The following NELL1 variants were observed in gnomAD, a reference collection of about 807,000 sequenced individuals.
NELL1 encodes the protein protein kinase C-binding protein NELL1.
NELL1 carries 76 observed loss-of-function variants against 107.4 expected under a neutral mutation model. That is an observed-to-expected ratio of 0.71 (90% confidence interval 0.59 to 0.86). NELL1 has a LOEUF of 0.86. Among genes scored for constraint, NELL1 ranks in the 40% least tolerant of loss-of-function variants. The probability of loss-of-function intolerance (pLI) is 0.00; values close to 1 mark genes in which losing one functional copy is unlikely to be tolerated. For synonymous variants in NELL1, 353 were observed against 341.2 expected, an observed-to-expected ratio of 1.03 and a Z score of -0.38; for missense variants, 1,024 against 1,005.5, an observed-to-expected ratio of 1.02 and a Z score of -0.25.
intron 15 of NELL1, among the ~76,000 whole-genome samples, chr11:21,487,281 T>C (rs755001374): frequency 6.6e-6 from 1 of 152,066 alleles, no homozygotes; most frequent in Non-Finnish European, 1.5e-5. Flanking sequence ...CTCAGCACAA[T>C]GCAGGAGAGA....
chr11:20,798,842 A>T (rs1300273642), intron 3 of NELL1, among the ~76,000 whole-genome samples: 1 of 152,198 alleles, frequency 6.6e-6, no homozygotes, highest in African/African-American at 2.4e-5. Flanking sequence ...TTCATTAATT[A>T]TTCATCAGAT....
At chr11:21,428,293 G>A (rs751046237) in intron 15 of NELL1, among the ~76,000 whole-genome samples, 4 of 152,100 alleles carry the variant, frequency 2.6e-5, no homozygotes, top group Non-Finnish European at 4.4e-5. Flanking sequence ...AATAAGCAGA[G>A]TGTGGTCATC....
intron 10 of NELL1, among the ~76,000 whole-genome samples, chr11:20,939,185 G>C (rs925024308): frequency 2.0e-5 from 3 of 152,022 alleles, no homozygotes; most frequent in Non-Finnish European, 4.4e-5. Flanking sequence ...GTTTGGGGAA[G>C]GCTAATATGA....
intron 14 of NELL1, among the ~76,000 whole-genome samples, chr11:21,234,745 A>G (rs1272883417): frequency 6.6e-6 from 1 of 152,210 alleles, no homozygotes; most frequent in Non-Finnish European, 1.5e-5. Flanking sequence ...ACTGTGTACA[A>G]GGAAAACACA....
At chr11:20,779,222 G>A (rs1038093817) in intron 2 of NELL1, among the ~76,000 whole-genome samples, 20 of 152,196 alleles carry the variant, frequency 1.3e-4, no homozygotes, top group African/African-American at 4.6e-4. Context: ...GGATGTCAAT[G>A]ATGGGTGTTG....
intron 9 of NELL1, among the ~76,000 whole-genome samples, chr11:20,930,312 A>G (rs564614277): frequency 1.1e-4 from 16 of 152,248 alleles, no homozygotes; most frequent in African/African-American, 3.6e-4. Flanking sequence ...TTTTGTGTGC[A>G]GTTGAGGTTG....
chr11:21,483,990 C>CATATATATATAT lies in NELL1; in HGVS notation c.1646-50353_1646-50342dup, dbSNP rs781565679. On this transcript the variant is annotated intron_variant, in intron 15 of 19. Coordinates refer to ENST00000357134, the MANE Select transcript of NELL1 (RefSeq NM_006157.5). ...TATTTGGGTATCCTATTTTACTTAACATATATATATATATATATATATATA... is the reference window on the plus strand; with the variant it reads ...TATTTGGGTATCCTATTTTACTTAACATATATATATATATATATATATATATATATATATATA... 4.9e-3 allele frequency among the ~76,000 whole-genome samples: 437 copies of CATATATATATAT among 88,310 alleles called. 16 individuals carry two copies. The highest frequency in any genetic ancestry group is 7.7e-3 in the Middle Eastern group (1 of 130). The allele number at this position is 88,310 out of a possible 152,430, so 57.9% of individuals were successfully genotyped here. A position where few individuals can be genotyped will look rare whatever the true frequency, so the allele number is the denominator to read the frequency against.
chr11:20,833,532 G>A (rs1241937599), intron 3 of NELL1, among the ~76,000 whole-genome samples: 2 of 152,144 alleles, frequency 1.3e-5, no homozygotes, highest in African/African-American at 4.8e-5. Flanking sequence ...GTTATGCTAG[G>A]CTCTGAAGAT....
At chr11:21,539,963 T>A (rs1391471473) in intron 16 of NELL1, among the ~76,000 whole-genome samples, 2 of 151,952 alleles carry the variant, frequency 1.3e-5, no homozygotes, top group African/African-American at 4.8e-5. Context: ...TGACGGGACA[T>A]CACACATCCT....
At chr11:21,148,425 C>A (rs1188544212) in intron 13 of NELL1, among the ~76,000 whole-genome samples, 1 of 152,104 alleles carries the variant, frequency 6.6e-6, no homozygotes, top group Non-Finnish European at 1.5e-5. Context: ...AGGGTTTTAT[C>A]AGGAAAAGCA....
At chr11:21,543,768 G>A (rs892699111) in intron 16 of NELL1, among the ~76,000 whole-genome samples, 11 of 151,882 alleles carry the variant, frequency 7.2e-5, no homozygotes, top group African/African-American at 2.7e-4. Flanking sequence ...CACCTCCTCC[G>A]TTTCGATGAT....
intron 2 of NELL1, among the ~76,000 whole-genome samples, chr11:20,692,124 G>A (rs1248501292): frequency 6.6e-6 from 1 of 151,734 alleles, no homozygotes; most frequent in Non-Finnish European, 1.5e-5. Flanking sequence ...TGGGATCGGT[G>A]GTGATATCCC....
intron 12 of NELL1, among the ~76,000 whole-genome samples, chr11:21,065,952 A>T (rs1451984411): frequency 6.6e-6 from 1 of 152,182 alleles, no homozygotes; most frequent in East Asian, 1.9e-4. Flanking sequence ...GAACTCACCC[A>T]TGTCTACCCT....
At chr11:21,547,175 G>A (rs1403657467) in intron 16 of NELL1, among the ~76,000 whole-genome samples, 3 of 151,932 alleles carry the variant, frequency 2.0e-5, no homozygotes, top group African/African-American at 4.8e-5. Context: ...GGATGGCAAT[G>A]TATATGGTAA....
intron 12 of NELL1, among the ~76,000 whole-genome samples, chr11:21,006,374 A>T (rs962136044): frequency 6.6e-6 from 1 of 152,098 alleles, no homozygotes; most frequent in Non-Finnish European, 1.5e-5. Context: ...TCTTCCCCAG[A>T]TATAGTCCCT....
intron 15 of NELL1, among the ~76,000 whole-genome samples, chr11:21,382,935 A>C (rs1851645127): frequency 3.3e-5 from 5 of 151,938 alleles, no homozygotes; most frequent in Admixed American, 2.6e-4. Context: ...ACAAAGGATA[A>C]ATAGGAAGAA....
intron 15 of NELL1, among the ~76,000 whole-genome samples, chr11:21,371,790 T>G (rs1442204503): frequency 6.6e-6 from 1 of 152,102 alleles, no homozygotes; most frequent in East Asian, 1.9e-4. Context: ...GTCGCATTTA[T>G]TATCCTTACT....
At chr11:21,088,262 C>T (rs1474407896) in intron 12 of NELL1, among the ~76,000 whole-genome samples, 3 of 152,016 alleles carry the variant, frequency 2.0e-5, no homozygotes, top group African/African-American at 4.8e-5. Flanking sequence ...AAATAATAAT[C>T]GTGATAGAAG....
intron 14 of NELL1, among the ~76,000 whole-genome samples, chr11:21,298,887 G>GA (rs1849432633): frequency 1.3e-5 from 2 of 151,712 alleles, no homozygotes; most frequent in African/African-American, 4.8e-5. Flanking sequence ...CCTTTCCCCC[G>GA]AAAAAAGATT....
Sources: allele counts gnomAD v4.1 joint callset (sites outside exome capture counted in the v4.1 genomes callset), GRCh38; gene constraint gnomAD v4.1.1; transcripts MANE v1.5; gene names NCBI Gene and HGNC (gene_info 2026-07-23, HGNC 2026-07-21).